Variants in MTMR3 observed in about 807,000 individuals in gnomAD.
The protein encoded by MTMR3 is myotubularin related protein 3.
A neutral mutation model predicts 132.4 loss-of-function variants in MTMR3; 32 were observed. The observed-to-expected ratio is 0.24, with a 90% CI of 0.18 to 0.32. The LOEUF is 0.32. Among genes scored for constraint, MTMR3 ranks in the 10% least tolerant of loss-of-function variants. The pLI, the probability that MTMR3 is intolerant of heterozygous loss-of-function variation, is 1.00. For synonymous variants in MTMR3, 556 were observed against 550.3 expected (o/e 1.01, Z -0.14); for missense variants, 1,216 against 1,489.6 (o/e 0.82, Z 3.02).
intron 1 of MTMR3, among the ~76,000 whole-genome samples, chr22:29,885,216 T>TA (rs773988028): frequency 6.6e-6 from 1 of 152,200 alleles, no homozygotes; most frequent in Non-Finnish European, 1.5e-5. Context: ...GATCTGTCCT[T>TA]ACAAAGCTCC....
intron 1 of MTMR3, among the ~76,000 whole-genome samples, chr22:29,948,757 AC>A (rs1431101800): frequency 6.6e-6 from 1 of 151,738 alleles, no homozygotes; most frequent in Non-Finnish European, 1.5e-5. Flanking sequence ...TCAAAAAGAT[AC>A]TGATGTTTTT....
chr22:29,895,520 G>A (rs1392620974), intron 1 of MTMR3, among the ~76,000 whole-genome samples: 8 of 152,122 alleles, frequency 5.3e-5, no homozygotes, highest in Admixed American at 1.3e-4. Flanking sequence ...AGTGGTAGTC[G>A]GTTGGCGAGT....
chr22:29,969,342 T>A (rs1424054821), intron 2 of MTMR3, among the ~76,000 whole-genome samples: 1 of 152,164 alleles, frequency 6.6e-6, no homozygotes, highest in Non-Finnish European at 1.5e-5. Context: ...ACTCAAATCC[T>A]ATGGGCAGTA....
intron 1 of MTMR3, among the ~76,000 whole-genome samples, chr22:29,953,129 G>A (rs1167695475): frequency 1.3e-5 from 2 of 152,168 alleles, no homozygotes; most frequent in East Asian, 1.9e-4. Flanking sequence ...AAATTATTCA[G>A]TGTTGCCTTC....
At position 30,021,574 on chromosome 22, in the gene MTMR3, C is replaced by T. The variant is rs114385277; in HGVS notation, c.3226-455C>T. ...CATTAAAGGCGGGCACATCCAGTGA[C>T]TTTCAGTTCAGAGTGACTTGGCTTT... On this transcript the variant is annotated intron_variant, in intron 17 of 19. Coordinates refer to ENST00000401950, the MANE Select transcript of MTMR3 (RefSeq NM_021090.4). The T allele has an allele frequency of 9.2e-3, 1,516 of 165,088 alleles. 21 individuals are homozygous for T. Among genetic ancestry groups the T allele is most frequent in the African/African-American group, 0.034 (1,434 of 41,698 alleles). 10.2% of individuals were successfully genotyped at this position (165,088 alleles called of 1,614,324 possible). A position where few individuals can be genotyped will look rare whatever the true frequency, so the allele number is the denominator to read the frequency against.
At chr22:29,902,612 C>T (rs936031480) in intron 1 of MTMR3, among the ~76,000 whole-genome samples, 4 of 151,980 alleles carry the variant, frequency 2.6e-5, no homozygotes, top group African/African-American at 9.7e-5. Flanking sequence ...TGTGATCCGC[C>T]TGTCTTGGCC....
At chr22:29,939,168 G>A (rs1406155777) in intron 1 of MTMR3, among the ~76,000 whole-genome samples, 2 of 152,104 alleles carry the variant, frequency 1.3e-5, no homozygotes, top group Non-Finnish European at 2.9e-5. Context: ...TATATTTTGT[G>A]ATTTGTATTT....
intron 7 of MTMR3, chr22:29,994,136 T>C: frequency 2.0e-6 from 2 of 985,370 alleles, no homozygotes; most frequent in Non-Finnish European, 2.4e-6. Context: ...TGTGCCATGC[T>C]TATGAAAACA....
At chr22:29,928,084 G>A (rs1391300937) in intron 1 of MTMR3, among the ~76,000 whole-genome samples, 1 of 150,774 alleles carries the variant, frequency 6.6e-6, no homozygotes, top group African/African-American at 2.4e-5. Flanking sequence ...GGGACTACAG[G>A]CGCAAACCAC....
At chr22:29,953,655 G>A (rs1267824573) in intron 1 of MTMR3, among the ~76,000 whole-genome samples, 5 of 152,150 alleles carry the variant, frequency 3.3e-5, no homozygotes, top group African/African-American at 1.2e-4. Context: ...CTTTTACAAT[G>A]GACAAAATCC....
intron 2 of MTMR3, among the ~76,000 whole-genome samples, chr22:29,963,590 G>T (rs1031150484): frequency 5.9e-5 from 9 of 151,650 alleles, no homozygotes; most frequent in South Asian, 2.1e-4. Flanking sequence ...GGGTTTCACC[G>T]TTGGCCGGGA....
Position 29,978,933 on chromosome 22 carries a change from A to C in MTMR3, c.94-3A>C. ...ACTCTGAAGGGTTTCTTTCATTTCG[A>C]AGGTTCCTTTCCTTGAACTTCATGG... On this transcript the variant is annotated splice_region_variant and splice_polypyrimidine_tract_variant and intron_variant, in intron 4 of 19. Transcript: ENST00000401950. 1 of 1,606,420 alleles carries C rather than the reference A, an allele frequency of 6.2e-7. No homozygotes were observed. Among genetic ancestry groups the C allele is most frequent in the Admixed American group, 1.7e-5 (1 of 59,692 alleles).
At chr22:29,897,668 G>T (rs143495121) in intron 1 of MTMR3, among the ~76,000 whole-genome samples, 1 of 151,990 alleles carries the variant, frequency 6.6e-6, no homozygotes, top group Non-Finnish European at 1.5e-5. Flanking sequence ...GGCCAGGCTG[G>T]TTTTGAACTG....
At chr22:29,998,912 C>A (rs548687561) in intron 8 of MTMR3, 55 bp downstream of exon 8, 12 of 1,180,814 alleles carry the variant, frequency 1.0e-5, no homozygotes, top group Admixed American at 2.4e-5. Context: ...TTGCAGAAAC[C>A]GCAATTCTCA....
At chr22:29,951,338 CTATCTCTTGTA>C (rs1569020981) in intron 1 of MTMR3, among the ~76,000 whole-genome samples, 1 of 152,102 alleles carries the variant, frequency 6.6e-6, no homozygotes, top group East Asian at 1.9e-4. Context: ...CCCCTACCCC[CTATCTCTTGTA>C]TAAGGGTTGA....
intron 1 of MTMR3, among the ~76,000 whole-genome samples, chr22:29,933,287 T>G (rs186742454): frequency 4.0e-5 from 6 of 151,508 alleles, no homozygotes; most frequent in Admixed American, 3.3e-4. Flanking sequence ...TTATCTTTTT[T>G]TTTTCTTTTT....
At chr22:29,977,666 C>G (rs571712450) in intron 3 of MTMR3, among the ~76,000 whole-genome samples, 72 of 152,292 alleles carry the variant, frequency 4.7e-4, no homozygotes, top group African/African-American at 1.7e-3. Flanking sequence ...CACCCAGTTT[C>G]ATGAATTACT....
chr22:29,891,680 G>A (rs1220943805), intron 1 of MTMR3, among the ~76,000 whole-genome samples: 1 of 152,006 alleles, frequency 6.6e-6, no homozygotes, highest in East Asian at 1.9e-4. Context: ...TGAATTGCCT[G>A]CCTTGGCCTC....
intron 1 of MTMR3, among the ~76,000 whole-genome samples, chr22:29,894,046 T>C (rs1712562034): frequency 6.6e-6 from 1 of 152,156 alleles, no homozygotes; most frequent in South Asian, 2.1e-4. Context: ...GATTTCGCCA[T>C]GTTGGCCAGG....
Sources: gnomAD v4.1 joint callset for allele counts (sites outside exome capture counted in the v4.1 genomes callset) on GRCh38, gnomAD v4.1.1 for gene constraint, MANE v1.5 for transcripts, NCBI Gene and HGNC (gene_info 2026-07-23, HGNC 2026-07-21) for gene names.